The following SUPT3H variants were observed in gnomAD, a reference collection of about 807,000 sequenced individuals.
The protein encoded by SUPT3H is SPT3 homolog, SAGA and STAGA complex component.
A neutral mutation model predicts 44.3 loss-of-function variants in SUPT3H; 44 were observed. That is an observed-to-expected ratio of 0.99 (90% CI 0.78 to 1.28). The LOEUF is 1.28. SUPT3H is among the 50% of genes most tolerant of loss of function. The pLI is 0.00. For synonymous variants in SUPT3H, 124 were observed against 125.6 expected (o/e 0.99, Z 0.09); for missense variants, 380 against 387.1 (o/e 0.98, Z 0.15).
At chr6:45,151,660 T>C (rs1301538898) in intron 2 of SUPT3H, among the ~76,000 whole-genome samples, 1 of 152,202 alleles carries the variant, frequency 6.6e-6, no homozygotes, top group African/African-American at 2.4e-5. Flanking sequence ...TAATTAATTA[T>C]GACGTAAAAA....
intron 2 of SUPT3H, among the ~76,000 whole-genome samples, chr6:45,305,348 G>C: frequency 6.6e-6 from 1 of 152,102 alleles, no homozygotes. Context: ...TTATGATTCA[G>C]TGTTATTACA....
At chr6:44,857,652 T>C (rs1426280470) in intron 10 of SUPT3H, among the ~76,000 whole-genome samples, 1 of 152,210 alleles carries the variant, frequency 6.6e-6, no homozygotes, top group Non-Finnish European at 1.5e-5. Context: ...GCCCAGTTTT[T>C]ACTTTTTAGT....
At chr6:44,967,350 G>A (rs949674891) in intron 6 of SUPT3H, among the ~76,000 whole-genome samples, 1 of 152,178 alleles carries the variant, frequency 6.6e-6, no homozygotes, top group Non-Finnish European at 1.5e-5. Context: ...CTCACTTTCT[G>A]CGTCCTACTT....
At chr6:45,056,583 T>C (rs962982374) in intron 3 of SUPT3H, among the ~76,000 whole-genome samples, 11 of 152,170 alleles carry the variant, frequency 7.2e-5, no homozygotes, top group Non-Finnish European at 8.8e-5. Flanking sequence ...CATTATTCTA[T>C]GTGAAGTAAC....
At chr6:45,321,542 T>C (rs1329513985) in intron 2 of SUPT3H, among the ~76,000 whole-genome samples, 1 of 152,174 alleles carries the variant, frequency 6.6e-6, no homozygotes, top group Non-Finnish European at 1.5e-5. Context: ...CATTATCACA[T>C]CTAACTTAAT....
At chr6:45,349,643 T>A (rs574620199) in intron 2 of SUPT3H, among the ~76,000 whole-genome samples, 1 of 152,344 alleles carries the variant, frequency 6.6e-6, no homozygotes, top group Non-Finnish European at 1.5e-5. Flanking sequence ...TTCATTTTTT[T>A]AAGTCATAGG....
intron 5 of SUPT3H, among the ~76,000 whole-genome samples, chr6:45,008,111 T>C (rs1782975757): frequency 1.3e-5 from 2 of 152,194 alleles, no homozygotes; most frequent in South Asian, 4.1e-4. Flanking sequence ...ATTTCCTTTT[T>C]TATTATCATG....
intron 2 of SUPT3H, among the ~76,000 whole-genome samples, chr6:45,357,472 AGG>A (rs1449617879): frequency 3.3e-5 from 5 of 152,060 alleles, no homozygotes; most frequent in Non-Finnish European, 5.9e-5. Flanking sequence ...CTGGGACTAC[AGG>A]GCCCAGATAA....
At chr6:45,129,559 G>A (rs889784764) in intron 2 of SUPT3H, among the ~76,000 whole-genome samples, 10 of 152,184 alleles carry the variant, frequency 6.6e-5, no homozygotes, top group East Asian at 1.9e-4. Flanking sequence ...CTAGATACCC[G>A]TATGAACTAA....
intron 3 of SUPT3H, among the ~76,000 whole-genome samples, chr6:45,036,676 C>CA (rs1176678126): frequency 1.3e-5 from 2 of 152,194 alleles, no homozygotes; most frequent in African/African-American, 4.8e-5. Flanking sequence ...CACACACAGC[C>CA]AAACTGTCAA....
At chr6:45,222,974 A>T (rs888950466) in intron 2 of SUPT3H, among the ~76,000 whole-genome samples, 9 of 152,180 alleles carry the variant, frequency 5.9e-5, no homozygotes, top group African/African-American at 2.2e-4. Flanking sequence ...TCCATTTAAC[A>T]TTCTTAAAAT....
chr6:45,155,107 T>C (rs112404981), intron 2 of SUPT3H, among the ~76,000 whole-genome samples: 4,624 of 152,286 alleles, frequency 0.03, 103 homozygotes, highest in Non-Finnish European at 0.046. Flanking sequence ...GAATGTGTGA[T>C]TAAGATAGCT....
rs1770781972 is a variant in SUPT3H at position 44,932,701 on chromosome 6, C to A, written c.864G>T (p.Glu288Asp). 1 of 1,611,656 alleles carries A rather than the reference C, an allele frequency of 6.2e-7. No individual in the cohort carries two copies. Among genetic ancestry groups the A allele is most frequent in the South Asian group, 1.1e-5 (1 of 90,724 alleles). ...TCCTGTGGCTGTAGCGTCGAATGGC[C>A]TCTCTGATGTGGCAGGGCTGGATGG... is the stretch of plus-strand genomic sequence containing the variant. ...SDAIQPCHIR[E>D]AIRRYSHRIG... The change falls in exon 10 of 11, where the codon GAG (glutamate) becomes GAT (aspartate). Residue 288 changes from glutamate (E) to aspartate (D), a missense_variant. Coordinates refer to ENST00000371459, the MANE Select transcript of SUPT3H (RefSeq NM_003599.4).
intron 3 of SUPT3H, among the ~76,000 whole-genome samples, chr6:45,039,048 A>G (rs918292505): frequency 5.3e-5 from 8 of 152,180 alleles, no homozygotes. Context: ...GATTTGAAAG[A>G]GCTATTTCAC....
At chr6:45,104,372 T>C (rs1348861906) in intron 3 of SUPT3H, among the ~76,000 whole-genome samples, 2 of 152,038 alleles carry the variant, frequency 1.3e-5, no homozygotes, top group East Asian at 1.9e-4. Flanking sequence ...TATAGAAAGA[T>C]AGAGAAAAAG....
At chr6:45,113,195 T>A (rs910760475) in intron 2 of SUPT3H, among the ~76,000 whole-genome samples, 1 of 152,056 alleles carries the variant, frequency 6.6e-6, no homozygotes, top group Non-Finnish European at 1.5e-5. Context: ...TAAATGGAAT[T>A]AGAGTGAATA....
intron 3 of SUPT3H, among the ~76,000 whole-genome samples, chr6:45,041,267 T>C (rs953987146): frequency 9.2e-5 from 14 of 152,206 alleles, no homozygotes; most frequent in Non-Finnish European, 1.9e-4. Context: ...ACACCTACAT[T>C]AGACAATGAT....
intron 2 of SUPT3H, among the ~76,000 whole-genome samples, chr6:45,344,162 C>T (rs563787731): frequency 1.3e-5 from 2 of 152,220 alleles, no homozygotes; most frequent in East Asian, 3.9e-4. Flanking sequence ...GAAAGAACAT[C>T]CACTAAATAC....
At chr6:45,344,514 T>C (rs1461880631) in intron 2 of SUPT3H, among the ~76,000 whole-genome samples, 2 of 152,118 alleles carry the variant, frequency 1.3e-5, no homozygotes, top group Non-Finnish European at 2.9e-5. Flanking sequence ...TATGTACATT[T>C]TCCTTTGAAC....
Sources: allele counts gnomAD v4.1 joint callset (sites outside exome capture counted in the v4.1 genomes callset), GRCh38; gene constraint gnomAD v4.1.1; transcripts MANE v1.5; gene names NCBI Gene and HGNC (gene_info 2026-07-23, HGNC 2026-07-21).